The following CNDP2 variants were observed in gnomAD, a reference collection of about 807,000 sequenced individuals.
The protein encoded by CNDP2 is cytosolic non-specific dipeptidase.
CNDP2 carries 38 observed loss-of-function variants against 55.0 expected under a neutral mutation model. The ratio of observed to expected loss-of-function variants is 0.69; its 90% CI spans 0.53 to 0.90. The LOEUF is 0.90. Ranked by LOEUF, CNDP2 falls within the 40% of genes least tolerant of loss-of-function variation. The pLI, the probability that CNDP2 is intolerant of heterozygous loss-of-function variation, is 0.00. For missense variants in CNDP2, 607 were observed against 621.7 expected, an observed-to-expected ratio of 0.98 and a Z score of 0.25; for synonymous variants, 241 against 260.2, an observed-to-expected ratio of 0.93 and a Z score of 0.71.
rs139713521 is a variant in CNDP2 at position 74,502,472 on chromosome 18, G to GTTTT, written c.204+1000_204+1001insTTTT. ...ATATGTGTGTTTTTTTTGTCTTTTT[G>GTTTT]GTTTTTTTTTTTGTCGGGATGGGGT... On this transcript the variant is annotated intron_variant, in intron 3 of 11. Coordinates refer to ENST00000324262, the MANE Select transcript of CNDP2 (RefSeq NM_018235.3). 5.1e-4 allele frequency among the ~76,000 whole-genome samples: 76 copies of GTTTT among 148,682 alleles called. 2 individuals carry two copies. The highest frequency in any genetic ancestry group is 3.2e-3 in the East Asian group (16 of 4,970).
chr18:74,516,362 G>A lies in CNDP2; in HGVS notation c.1038G>A (p.Pro346=), dbSNP rs770422954. 91 of 1,613,422 alleles carry A rather than the reference G, an allele frequency of 5.6e-5. 1 individual carries two copies. The highest frequency in any genetic ancestry group is 4.4e-4 in the South Asian group (40 of 91,022). ...GCAAGTTCTCCATCAGGCTCGTGCC[G>A]AACATGACTCCTGAAGTCGTCGGCG... ...VVGKFSIRLV[P]NMTPEVVGEQ... is the part of the protein sequence containing the mutation. The change falls in exon 9 of 12, where the codon CCG becomes CCA. Residue 346 remains proline, a synonymous_variant. Coordinates refer to ENST00000324262, the MANE Select transcript of CNDP2 (RefSeq NM_018235.3).
At position 74,520,293 on chromosome 18, in the gene CNDP2, C is replaced by T. The variant is rs1979979126; in HGVS notation, c.*225C>T. 2 of 529,810 alleles carry T rather than the reference C, an allele frequency of 3.8e-6. No homozygotes were observed. Among genetic ancestry groups the T allele is most frequent in the East Asian group, 3.3e-5 (1 of 29,890 alleles). The allele number at this position is 529,810 out of a possible 1,614,324, so 32.8% of individuals were successfully genotyped here. Reference sequence around the variant, plus strand: ...ACAGCTGAGTCACCCTGGGTAAGTTCTCAGAGTGGTCAGGATGGCTTGACC... The same window carrying T: ...ACAGCTGAGTCACCCTGGGTAAGTTTTCAGAGTGGTCAGGATGGCTTGACC... On this transcript the variant is annotated 3_prime_UTR_variant, in exon 12 of 12. Coordinates refer to ENST00000324262, the MANE Select transcript of CNDP2 (RefSeq NM_018235.3).
At chr18:74,519,726 T>C (rs552330911) in intron 11 of CNDP2, among the ~76,000 whole-genome samples, 3 of 152,244 alleles carry the variant, frequency 2.0e-5, no homozygotes, top group African/African-American at 7.2e-5. Context: ...AACAAGCGGA[T>C]AATGGGAGGA....
chr18:74,519,970 C>T (rs748589977), intron 11 of CNDP2, 29 bp from the exon 12 acceptor site: 3 of 1,601,684 alleles, frequency 1.9e-6, no homozygotes, highest in Middle Eastern at 3.5e-4. Context: ...CGACACCAGC[C>T]AACACAATGA....
chr18:74,522,629 C>G lies in CNDP2; in HGVS notation c.*2561C>G, dbSNP rs967147379. ...TGGCCTCCTCTTGCTCTCTCTACCC[C>G]TCTCTGAGCCCTTGTGTTGTGGGAT... On this transcript the variant is annotated 3_prime_UTR_variant, in exon 12 of 12. Transcript: ENST00000324262. 1.3e-5 allele frequency: 2 copies of G among 152,374 alleles called. No homozygotes were observed. Among genetic ancestry groups the G allele is most frequent in the Non-Finnish European group, 2.9e-5 (2 of 68,136 alleles). The allele number at this position is 152,374 out of a possible 1,614,324, so 9.4% of individuals were successfully genotyped here.
At chr18:74,511,382 C>T in intron 6 of CNDP2, 1 of 214,008 alleles carries the variant, frequency 4.7e-6, no homozygotes, top group Non-Finnish European at 9.4e-6. Context: ...ACTTAGGCTC[C>T]TTATCCCATG....
chr18:74,507,318 G>A (rs1442543636), intron 4 of CNDP2: 1 of 152,702 alleles, frequency 6.5e-6, no homozygotes, highest in African/African-American at 2.4e-5. Flanking sequence ...ACTGGGAACT[G>A]GGTCCCCATC....
intron 11 of CNDP2, 144 bp downstream of exon 11, chr18:74,519,240 G>A (rs1160502651): frequency 3.3e-5 from 37 of 1,104,626 alleles, no homozygotes; most frequent in Non-Finnish European, 5.0e-6. Context: ...TGTGTGAAGT[G>A]GGAACTTCAG....
In CNDP2 at chr18:74,520,329, A is replaced by T. The variant is rs149166945; in HGVS notation, c.*261A>T. ...CAGGATGGCTTGACCTGCAGAAGAT[A>T]CCCAAGGTCCAAAAGCACAAGGTCT... is the stretch of plus-strand genomic sequence containing the variant. On this transcript the variant is annotated 3_prime_UTR_variant, in exon 12 of 12. Coordinates refer to ENST00000324262, the MANE Select transcript of CNDP2 (RefSeq NM_018235.3). 53 of 444,626 alleles carry T rather than the reference A, an allele frequency of 1.2e-4. No homozygotes were observed. Among genetic ancestry groups the T allele is most frequent in the African/African-American group, 8.5e-4 (42 of 49,586 alleles). The allele number at this position is 444,626 out of a possible 1,614,324, so 27.5% of individuals were successfully genotyped here.
At chr18:74,518,229 T>C (rs900775853) in intron 9 of CNDP2, 2 of 261,386 alleles carry the variant, frequency 7.7e-6, no homozygotes, top group East Asian at 1.7e-4. Flanking sequence ...GCCACTGTGC[T>C]CCAGCCTGGA....
At chr18:74,515,219 T>C (rs1037641528) in intron 8 of CNDP2, among the ~76,000 whole-genome samples, 2 of 152,028 alleles carry the variant, frequency 1.3e-5, no homozygotes, top group Admixed American at 6.5e-5. Flanking sequence ...AGATCTCACA[T>C]TGGGAAAGAT....
rs372515362 is a variant in CNDP2, at chr18:74,512,581, C to T, written c.742+49C>T. The T allele has an allele frequency of 2.1e-5, 31 of 1,491,104 alleles. No individual in the cohort carries two copies. The Admixed American group carries it at 3.4e-4, about 16-fold the overall frequency. 92.4% of individuals were successfully genotyped at this position (1,491,104 alleles called of 1,614,324 possible). ...CCGCAGTTGAGGGGAAGTGGATGGGCGTGACTTCCAGGCTGTCTGTCATCA... is the reference window on the plus strand; with the variant it reads ...CCGCAGTTGAGGGGAAGTGGATGGGTGTGACTTCCAGGCTGTCTGTCATCA... On this transcript the variant is annotated intron_variant, in intron 7 of 11. Coordinates refer to ENST00000324262, the MANE Select transcript of CNDP2 (RefSeq NM_018235.3).
chr18:74,506,701 G>A (rs1322432344), intron 4 of CNDP2, among the ~76,000 whole-genome samples: 4 of 152,158 alleles, frequency 2.6e-5, no homozygotes, highest in Admixed American at 2.6e-4. Flanking sequence ...CTTCACCCTG[G>A]CTGCCCCAGT....
intron 4 of CNDP2, 196 bp from the exon 5 acceptor site, chr18:74,508,644 G>T: frequency 3.5e-6 from 2 of 563,482 alleles, no homozygotes; most frequent in Non-Finnish European, 6.4e-6. Flanking sequence ...CATCCACGTG[G>T]CTTATCTCTT....
intron 9 of CNDP2, 169 bp downstream of exon 9, chr18:74,516,561 A>G: frequency 1.4e-6 from 1 of 696,204 alleles, no homozygotes; most frequent in Non-Finnish European, 2.3e-6. Context: ...CTAATCAAAG[A>G]TAATGCATCA....
At chr18:74,518,179 G>T (rs565125246) in intron 9 of CNDP2, 32 of 181,222 alleles carry the variant, frequency 1.8e-4, no homozygotes, top group South Asian at 5.6e-4. Flanking sequence ...GGAGAATGGC[G>T]TGAACCCGGG....
intron 5 of CNDP2, 52 bp from the exon 6 acceptor site, chr18:74,510,761 G>T: frequency 6.7e-7 from 1 of 1,491,760 alleles, no homozygotes; most frequent in South Asian, 1.2e-5. Flanking sequence ...GTGGCTTCTA[G>T]AAGGAAGGTT....
chr18:74,513,404 G>A (rs1299259045), intron 7 of CNDP2, among the ~76,000 whole-genome samples, 155 bp from the exon 8 acceptor site: 2 of 152,058 alleles, frequency 1.3e-5, no homozygotes, highest in Non-Finnish European at 1.5e-5. Context: ...TTCTGTGGAC[G>A]CTTGTGGCTG....
At chr18:74,499,825 G>A (rs1257575688) in intron 1 of CNDP2, 57 bp from the exon 2 acceptor site, 3 of 595,566 alleles carry the variant, frequency 5.0e-6, no homozygotes, top group Non-Finnish European at 8.7e-6. Flanking sequence ...GTGTTGCAGT[G>A]CTGGCTGGGA....
Sources: allele counts gnomAD v4.1 joint callset (sites outside exome capture counted in the v4.1 genomes callset), GRCh38; gene constraint gnomAD v4.1.1; transcripts MANE v1.5; gene names NCBI Gene and HGNC (gene_info 2026-07-23, HGNC 2026-07-21).